FNIP2: variants seen among roughly 807,000 people sequenced by gnomAD.
FNIP2 encodes folliculin interacting protein 2, also known as folliculin-interacting protein 2.
FNIP2 carries 32 observed loss-of-function variants against 108.7 expected under a neutral mutation model. That is an observed-to-expected ratio of 0.29 (90% CI 0.22 to 0.40). The LOEUF (loss-of-function observed/expected upper bound fraction) is 0.40, where lower values mean the gene tolerates loss of function less well. Ranked by LOEUF, FNIP2 falls within the 10% of genes least tolerant of loss-of-function variation. The pLI is 1.00. For synonymous variants in FNIP2, 480 were observed against 496.7 expected (o/e 0.97, Z 0.45); for missense variants, 1,202 against 1,381.6 (o/e 0.87, Z 2.06).
At chr4:158,806,375 A>C (rs1776958116) in intron 1 of FNIP2, 1 of 1,289,296 alleles carries the variant, frequency 7.8e-7, no homozygotes, top group Non-Finnish European at 1.0e-6. Context: ...AAGATTAAAA[A>C]ACACACCGGA....
rs575729227 is a variant in FNIP2, at chr4:158,793,265, C to T, written c.107+23946C>T. Among the ~76,000 whole-genome samples, 3 of 152,266 alleles carry T rather than the reference C, an allele frequency of 2.0e-5. No individual in the cohort carries two copies. The East Asian group carries it at 5.8e-4, about 29-fold the overall frequency. The stretch of plus-strand genomic sequence containing the variant: ...CAAATTTCCAGAAATTCCAAGAACC[C>T]TGAGACGTGATCTAGGAATCCTAAA... On this transcript the variant is annotated intron_variant, in intron 1 of 16. Coordinates refer to ENST00000264433, the MANE Select transcript of FNIP2 (RefSeq NM_020840.3).
rs777682374 is a variant in FNIP2 at position 158,868,711 on chromosome 4, C to T, written c.2075C>T (p.Thr692Ile). Residue 692 changes from threonine (T) to isoleucine (I), a missense_variant, in exon 13 of 17, where the codon ACA becomes ATA. Physicochemically the swap from Thr to Ile is moderately conservative, Grantham distance 89. Around this residue, in one of 5 missense-constraint regions of FNIP2, gnomAD observed 878 missense variants for 990.3 expected, o/e 0.89. Coordinates refer to ENST00000264433, the MANE Select transcript of FNIP2 (RefSeq NM_020840.3). This position sits in a 1 kb window ranked among gnomAD's most constrained non-coding sequence, Gnocchi z 4.6. ...GAGCTGTTGAAAGTGGAGATGCCTA[C>T]AAGACTGCCAGACCGGTCAGTGGCC... is the stretch of plus-strand genomic sequence containing the variant. ...VCELLKVEMP[T>I]RLPDRSVAWP... 5.6e-6 allele frequency: 9 copies of T among 1,614,006 alleles called. No individual in the cohort carries two copies. The highest frequency in any genetic ancestry group is 1.7e-5 in the Admixed American group (1 of 60,026).
chr4:158,861,784 C>G lies in FNIP2; in HGVS notation c.1465+8C>G, dbSNP rs760603894. 6.2e-7 allele frequency: 1 copy of G among 1,613,642 alleles called. No individual in the cohort carries two copies. The highest frequency in any genetic ancestry group is 1.1e-5 in the South Asian group (1 of 91,028). ...CTCTTTGGGCACAGCTGGGTTAGTA[C>G]CTAATTTGACTATTCAGAGAATATA... On this transcript the variant is annotated splice_region_variant and intron_variant, in intron 12 of 16. Transcript: ENST00000264433.
intron 16 of FNIP2, among the ~76,000 whole-genome samples, chr4:158,902,412 G>A (rs1729398928): frequency 6.6e-6 from 1 of 152,156 alleles, no homozygotes; most frequent in Non-Finnish European, 1.5e-5. Context: ...CCTGTATGAG[G>A]TTCTGTCGGC....
At chr4:158,782,590 A>G (rs138328254) in intron 1 of FNIP2, among the ~76,000 whole-genome samples, 24 of 150,818 alleles carry the variant, frequency 1.6e-4, no homozygotes, top group African/African-American at 5.4e-4. Context: ...TTTCACAAAC[A>G]TTTATGAGGA....
At chr4:158,805,608 C>T (rs1055911285) in intron 1 of FNIP2, among the ~76,000 whole-genome samples, 4 of 152,196 alleles carry the variant, frequency 2.6e-5, no homozygotes, top group African/African-American at 9.6e-5. Flanking sequence ...TTAAGTCCTA[C>T]ATTTGGCTGT....
At chr4:158,846,423 T>C (rs1779408970) in intron 7 of FNIP2, among the ~76,000 whole-genome samples, 3 of 152,190 alleles carry the variant, frequency 2.0e-5, no homozygotes, top group Admixed American at 2.0e-4. Flanking sequence ...GTCCCCGTTT[T>C]ACAGATGAGA....
At chr4:158,833,222 G>T (rs1778579897) in intron 5 of FNIP2, among the ~76,000 whole-genome samples, 1 of 152,090 alleles carries the variant, frequency 6.6e-6, no homozygotes, top group South Asian at 2.1e-4. Context: ...AGTATCTCGG[G>T]TGTCAGTCAC....
intron 14 of FNIP2, chr4:158,871,305 T>C (rs1249923762): frequency 2.3e-6 from 2 of 874,826 alleles, no homozygotes; most frequent in East Asian, 2.4e-4. Context: ...AAATAGACAT[T>C]TTGTATTAGA....
At chr4:158,834,523 G>A (rs1175134976) in intron 6 of FNIP2, 12 of 152,124 alleles carry the variant, frequency 7.9e-5, no homozygotes, top group African/African-American at 2.4e-5. Flanking sequence ...AAGCACCATA[G>A]TTAACTGACA....
chr4:158,817,640 G>C (rs923337222), intron 1 of FNIP2, among the ~76,000 whole-genome samples: 1 of 152,074 alleles, frequency 6.6e-6, no homozygotes, highest in Non-Finnish European at 1.5e-5. Flanking sequence ...TCCGCCTCCC[G>C]GGTTTAAGCA....
chr4:158,889,639 T>TACGTTCA (rs1486277896), intron 14 of FNIP2, among the ~76,000 whole-genome samples: 3 of 152,184 alleles, frequency 2.0e-5, no homozygotes, highest in Non-Finnish European at 2.9e-5. Context: ...GTGACAGGCA[T>TACGTTCA]ACGTTCAACT....
At chr4:158,801,298 C>G (rs982690750) in intron 1 of FNIP2, among the ~76,000 whole-genome samples, 16 of 152,088 alleles carry the variant, frequency 1.1e-4, no homozygotes, top group Non-Finnish European at 2.1e-4. Flanking sequence ...GATACTTAGT[C>G]ACTCACAAAG....
Position 158,868,376 on chromosome 4 carries a change from C to T in FNIP2, c.1740C>T (p.Pro580=), listed in dbSNP as rs938381075. 3.1e-6 allele frequency: 5 copies of T among 1,613,980 alleles called. No homozygotes were observed. Among genetic ancestry groups the T allele is most frequent in the South Asian group, 2.2e-5 (2 of 91,082 alleles). The change falls in exon 13 of 17, where the codon CCC becomes CCT. Residue 580 remains proline, a synonymous_variant. Transcript: ENST00000264433. This position sits in a 1 kb window ranked among gnomAD's most constrained non-coding sequence, Gnocchi z 4.6. Reference sequence around the variant, plus strand: ...TGAGGAACGAGCCCGCTCTTGTACCCCCCATCCTACCACCAACAGCAGCAG... The same window carrying T: ...TGAGGAACGAGCCCGCTCTTGTACCTCCCATCCTACCACCAACAGCAGCAG... ...ITVRNEPALV[P]PILPPTAAER...
chr4:158,835,581 T>C, intron 7 of FNIP2, 105 bp downstream of exon 7: 1 of 977,036 alleles, frequency 1.0e-6, no homozygotes, highest in South Asian at 1.4e-5. Flanking sequence ...TCCTGTTCTT[T>C]GTTTTTTCCT....
intron 1 of FNIP2, among the ~76,000 whole-genome samples, chr4:158,796,367 G>A (rs1776591305): frequency 6.6e-6 from 1 of 151,754 alleles, no homozygotes; most frequent in South Asian, 2.1e-4. Flanking sequence ...TTGTTCCACA[G>A]ATATAATTTT....
At chr4:158,793,155 G>T (rs1037118252) in intron 1 of FNIP2, among the ~76,000 whole-genome samples, 12 of 152,322 alleles carry the variant, frequency 7.9e-5, no homozygotes, top group African/African-American at 2.4e-4. Context: ...GAGCTCTAGG[G>T]AGTGATATAG....
chr4:158,831,447 A>G lies in FNIP2; in HGVS notation c.382-414A>G, dbSNP rs1778477238. The stretch of plus-strand genomic sequence containing the variant: ...CAGCAATGGGCATTTTTTATTCCAC[A>G]TTGTTAATTATTTGGCTGAATAATA... On this transcript the variant is annotated intron_variant, in intron 3 of 16. Transcript: ENST00000264433. Among the ~76,000 whole-genome samples the G allele has an allele frequency of 2.0e-5, 3 of 152,322 alleles. 1 individual carries two copies. The highest frequency in any genetic ancestry group is 3.9e-4 in the East Asian group (2 of 5,192).
In FNIP2 at chr4:158,868,675, A is replaced by G. The variant is rs371963974; in HGVS notation, c.2039A>G (p.Gln680Arg). Residue 680 changes from glutamine to arginine, a missense_variant, in exon 13 of 17, where the codon CAA becomes CGA. Physicochemically the swap from Gln to Arg is conservative, Grantham distance 43. Coordinates refer to ENST00000264433, the MANE Select transcript of FNIP2 (RefSeq NM_020840.3). This position sits in a 1 kb window ranked among gnomAD's most constrained non-coding sequence, Gnocchi z 4.6. ...GGGGCAGGAATGAAGATGGACCAGC[A>G]AGCTGTCTGTGAGCTGTTGAAAGTG... ...VLGAGMKMDQ[Q>R]AVCELLKVEM... The G allele has an allele frequency of 3.3e-5, 53 of 1,613,922 alleles. No individual in the cohort carries two copies. Among genetic ancestry groups the G allele is most frequent in the Non-Finnish European group, 4.2e-5 (49 of 1,179,902 alleles).
Sources: gnomAD v4.1 joint callset for allele counts (sites outside exome capture counted in the v4.1 genomes callset) on GRCh38, gnomAD v4.1.1 for gene constraint, gnomAD v4.1.1 regional missense constraint, Gnocchi (gnomAD v3.1) non-coding constraint, MANE v1.5 for transcripts, NCBI Gene and HGNC (gene_info 2026-07-23, HGNC 2026-07-21) for gene names.